Variants in ELAVL2 observed in about 807,000 individuals in gnomAD.
ELAVL2 encodes the protein ELAV like RNA binding protein 2, also known as ELAV-like protein 2.
A neutral mutation model predicts 34.6 loss-of-function variants in ELAVL2; 4 were observed. The ratio of observed to expected loss-of-function variants is 0.12; its 90% confidence interval spans 0.06 to 0.26. The LOEUF (loss-of-function observed/expected upper bound fraction) is 0.26. ELAVL2 is among the 10% of genes least tolerant of loss of function. The probability of loss-of-function intolerance (pLI) is 1.00; values close to 1 mark genes in which losing one functional copy is unlikely to be tolerated. For synonymous variants in ELAVL2, 193 were observed against 154.8 expected, an observed-to-expected ratio of 1.25 and a Z score of -1.83; for missense variants, 432 against 442.8, an observed-to-expected ratio of 0.98 and a Z score of 0.22.
chr9:23,692,127 C>G lies in ELAVL2; in HGVS notation c.*430G>C, dbSNP rs41271151. On this transcript the variant is annotated 3_prime_UTR_variant, in exon 7 of 7. Coordinates refer to ENST00000397312, the MANE Select transcript of ELAVL2 (RefSeq NM_004432.5). ...ATAACAGCAATGCTTTAAATGTAAA[C>G]CAAACACAAAGCTAATCAGAAAAAG... 0.12 allele frequency: 19,693 copies of G among 158,572 alleles called. 1,748 individuals carry two copies. Among genetic ancestry groups the G allele is most frequent in the South Asian group, 0.37 (1,981 of 5,388 alleles). The allele number at this position is 158,572 out of a possible 1,614,324, so 9.8% of individuals were successfully genotyped here.
chr9:23,761,901 T>C (rs2055102392), intron 2 of ELAVL2, 105 bp downstream of exon 2: 4 of 1,354,898 alleles, frequency 3.0e-6, no homozygotes, highest in South Asian at 3.2e-5. Flanking sequence ...AATCTAGATA[T>C]GTAAAATTGC....
At chr9:23,768,562 T>C (rs1197520575) in intron 1 of ELAVL2, among the ~76,000 whole-genome samples, 1 of 152,072 alleles carries the variant, frequency 6.6e-6, no homozygotes, top group Non-Finnish European at 1.5e-5. Context: ...CCAGAAGTAA[T>C]TATGAAAGCA....
chr9:23,786,641 A>T (rs534702605), intron 1 of ELAVL2, among the ~76,000 whole-genome samples: 2 of 152,182 alleles, frequency 1.3e-5, no homozygotes, highest in Non-Finnish European at 2.9e-5. Context: ...CCCTGAAGCT[A>T]TAAGAAGCTT....
In ELAVL2 at chr9:23,693,348, C is replaced by T. The variant is rs547583733; in HGVS notation, c.752+100G>A. ...TTAGGTTGCACATGCAAAATAAAAC[C>T]CAACAAAAACTTATGAGGGGTGTGA... On this transcript the variant is annotated intron_variant, in intron 6 of 6. Coordinates refer to ENST00000397312, the MANE Select transcript of ELAVL2 (RefSeq NM_004432.5). The T allele has an allele frequency of 5.5e-6, 8 of 1,451,166 alleles. No individual in the cohort carries two copies. In the East Asian group the frequency reaches 1.4e-4, roughly 25 times the overall value. 89.9% of individuals were successfully genotyped at this position (1,451,166 alleles called of 1,614,324 possible).
intron 1 of ELAVL2, among the ~76,000 whole-genome samples, chr9:23,816,290 AAG>A (rs1442880072): frequency 1.4e-5 from 2 of 144,568 alleles, no homozygotes; most frequent in African/African-American, 5.2e-5. Context: ...GAAATTAGTC[AAG>A]AAAGTGTGTA....
chr9:23,692,936 G>T, intron 6 of ELAVL2, 52 bp from the exon 7 acceptor site: 1 of 1,548,220 alleles, frequency 6.5e-7, no homozygotes, highest in Non-Finnish European at 8.8e-7. Context: ...TAAAAACAGA[G>T]GTTGGTTATA....
intron 2 of ELAVL2, among the ~76,000 whole-genome samples, chr9:23,733,931 G>A (rs1039035395): frequency 1.3e-5 from 2 of 152,038 alleles, no homozygotes; most frequent in African/African-American, 4.8e-5. Flanking sequence ...CAAATATCTA[G>A]TATCTGTTAA....
rs184393419 is a variant in ELAVL2, at chr9:23,726,359, A to G, written c.333+4663T>C. Among the ~76,000 whole-genome samples the G allele has an allele frequency of 2.2e-4, 34 of 152,246 alleles. 1 individual carries two copies. In the East Asian group the frequency reaches 6.6e-3, roughly 29 times the overall value. ...ATTAATAACTTTTAAGCAAAGGTAA[A>G]TTTTAGCCTGGTCTATAGCTGAATG... On this transcript the variant is annotated intron_variant, in intron 3 of 6. Transcript: ENST00000397312.
rs559202454 is a variant in ELAVL2, at chr9:23,813,416, T to C, written c.-16+12390A>G. On this transcript the variant is annotated intron_variant, in intron 1 of 6. Coordinates refer to ENST00000397312, the MANE Select transcript of ELAVL2 (RefSeq NM_004432.5). ...CACCTGGAAGTCTCATATCGGCTTT[T>C]TTTTTTTTTTTTTACAACAATCTTA... Among the ~76,000 whole-genome samples, 8 of 150,940 alleles carry C rather than the reference T, an allele frequency of 5.3e-5. No individual in the cohort carries two copies. In the South Asian group the frequency reaches 1.7e-3, roughly 31 times the overall value.
At chr9:23,721,920 G>C (rs1383713905) in intron 3 of ELAVL2, among the ~76,000 whole-genome samples, 1 of 152,176 alleles carries the variant, frequency 6.6e-6, no homozygotes, top group African/African-American at 2.4e-5. Flanking sequence ...GTCAACAGTA[G>C]GCTACTAGTA....
intron 2 of ELAVL2, among the ~76,000 whole-genome samples, chr9:23,731,917 C>CA (rs1296650733): frequency 1.3e-5 from 2 of 152,158 alleles, no homozygotes; most frequent in Non-Finnish European, 2.9e-5. Context: ...ACTCCTGGTT[C>CA]ACTGATGCCC....
At chr9:23,704,009 C>A (rs992396056) in intron 4 of ELAVL2, among the ~76,000 whole-genome samples, 9 of 151,930 alleles carry the variant, frequency 5.9e-5, no homozygotes, top group Non-Finnish European at 1.2e-4. Context: ...CTCAGCTCAC[C>A]GTGACCTCCG....
At chr9:23,694,179 T>C (rs2034271001) in intron 5 of ELAVL2, among the ~76,000 whole-genome samples, 1 of 151,908 alleles carries the variant, frequency 6.6e-6, no homozygotes, top group African/African-American at 2.4e-5. Flanking sequence ...CTGGATGCTG[T>C]ATTCAAATTA....
At chr9:23,722,443 G>A (rs768734945) in intron 3 of ELAVL2, among the ~76,000 whole-genome samples, 4 of 152,102 alleles carry the variant, frequency 2.6e-5, no homozygotes, top group Non-Finnish European at 4.4e-5. Flanking sequence ...CAAACTGTAC[G>A]TCTGGCTGTC....
At chr9:23,701,663 A>G in intron 4 of ELAVL2, 59 bp from the exon 5 acceptor site, 1 of 1,546,660 alleles carries the variant, frequency 6.5e-7, no homozygotes, top group Non-Finnish European at 8.9e-7. Context: ...AGGGAAGGAG[A>G]GAAGAAAGGA....
chr9:23,715,426 G>C (rs2042043419), intron 3 of ELAVL2, among the ~76,000 whole-genome samples: 1 of 152,222 alleles, frequency 6.6e-6, no homozygotes, highest in African/African-American at 2.4e-5. Flanking sequence ...GGGATTACAG[G>C]CGTGAGCCAC....
intron 1 of ELAVL2, among the ~76,000 whole-genome samples, chr9:23,773,405 C>T (rs1174217490): frequency 6.6e-6 from 1 of 152,130 alleles, no homozygotes; most frequent in African/African-American, 2.4e-5. Context: ...CTTCCTCTTA[C>T]TCCTACTTTT....
chr9:23,722,817 G>A lies in ELAVL2; in HGVS notation c.333+8205C>T, dbSNP rs1417479194. On this transcript the variant is annotated intron_variant, in intron 3 of 6. Transcript: ENST00000397312. ...GCTGTTTCTGCACGAATTCAAAACA[G>A]TAAAAAGATAATAGTCCTATGAAAT... Among the ~76,000 whole-genome samples the A allele has an allele frequency of 5.3e-5, 8 of 152,288 alleles. 1 individual carries two copies. The highest frequency in any genetic ancestry group is 4.6e-4 in the Admixed American group (7 of 15,298).
chr9:23,699,744 C>G (rs1476867947), intron 5 of ELAVL2, among the ~76,000 whole-genome samples: 2 of 148,298 alleles, frequency 1.3e-5, no homozygotes, highest in Admixed American at 6.8e-5. Flanking sequence ...AGGCAAGCAT[C>G]AGGCAGCCCC....
Sources: gnomAD v4.1 joint callset for allele counts (sites outside exome capture counted in the v4.1 genomes callset) on GRCh38, gnomAD v4.1.1 for gene constraint, MANE v1.5 for transcripts, NCBI Gene and HGNC (gene_info 2026-07-23, HGNC 2026-07-21) for gene names.